Variants in MAST4 observed in about 807,000 individuals in gnomAD.
MAST4 encodes the protein microtubule-associated serine/threonine-protein kinase 4.
In MAST4, 89 loss-of-function variants were observed where a neutral mutation model predicts 162.7. That is an observed-to-expected ratio of 0.55 (90% CI 0.46 to 0.65). MAST4 has a LOEUF of 0.65. MAST4 is among the 30% of genes least tolerant of loss of function. The pLI is 0.00. For synonymous variants in MAST4, 1,479 were observed against 1,361.1 expected (o/e 1.09, Z -1.91); for missense variants, 3,153 against 3,374.0 (o/e 0.93, Z 1.62).
At chr5:66,877,353 C>G (rs1761371724) in intron 3 of MAST4, among the ~76,000 whole-genome samples, 1 of 152,210 alleles carries the variant, frequency 6.6e-6, no homozygotes, top group African/African-American at 2.4e-5. Flanking sequence ...CACATGTGAA[C>G]CACTTTCATC....
At chr5:66,706,593 A>T (rs1359163820) in intron 1 of MAST4, among the ~76,000 whole-genome samples, 1 of 130,710 alleles carries the variant, frequency 7.7e-6, no homozygotes, top group African/African-American at 3.1e-5. Flanking sequence ...CTGAGTAATG[A>T]TGAAAGAAAT....
At chr5:66,775,298 C>T (rs949173611) in intron 2 of MAST4, among the ~76,000 whole-genome samples, 3 of 151,954 alleles carry the variant, frequency 2.0e-5, no homozygotes, top group Admixed American at 2.0e-4. Flanking sequence ...AGACTACCTT[C>T]CCCCAACTCA....
At chr5:66,779,086 CTA>C (rs1459226786) in intron 2 of MAST4, among the ~76,000 whole-genome samples, 2 of 152,276 alleles carry the variant, frequency 1.3e-5, no homozygotes, top group African/African-American at 4.8e-5. Flanking sequence ...TGTTGGCATT[CTA>C]TGTTAAGTAT....
intron 3 of MAST4, among the ~76,000 whole-genome samples, chr5:66,856,825 G>A (rs990868516): frequency 6.6e-6 from 1 of 152,166 alleles, no homozygotes; most frequent in Non-Finnish European, 1.5e-5. Flanking sequence ...GAATTATGGT[G>A]ATATGGCTAT....
At chr5:66,812,496 A>G (rs1479384952) in intron 3 of MAST4, among the ~76,000 whole-genome samples, 1 of 152,232 alleles carries the variant, frequency 6.6e-6, no homozygotes, top group Non-Finnish European at 1.5e-5. Context: ...ACACGGGTAC[A>G]GCTTCATTGC....
In MAST4 at chr5:67,166,888, CTCCCCCAGCT is replaced by C. The variant is rs1161793497; in HGVS notation, c.7710_7719del (p.Pro2571GlyfsTer9). The C allele has an allele frequency of 6.2e-7, 1 of 1,610,436 alleles. No homozygotes were observed. Among genetic ancestry groups the C allele is most frequent in the Non-Finnish European group, 8.5e-7 (1 of 1,178,672 alleles). On this transcript the variant is annotated frameshift_variant, in exon 29 of 29. Coordinates refer to ENST00000403625, the MANE Select transcript of MAST4 (RefSeq NM_001164664.2). LOFTEE classifies it high-confidence loss of function. ...GGGAAGGACCCTGCCCCAGCCCAGC[CTCCCCCAGCT>C]AGGAAACAGAACGTGGGCAGAGACG... is the stretch of plus-strand genomic sequence containing the variant.
intron 1 of MAST4, among the ~76,000 whole-genome samples, chr5:66,674,545 A>T (rs1365450594): frequency 6.6e-6 from 1 of 152,222 alleles, no homozygotes. Context: ...AACATAAGAC[A>T]AGTGAAAAGA....
At chr5:66,781,385 C>T (rs1754863577) in intron 2 of MAST4, among the ~76,000 whole-genome samples, 1 of 152,206 alleles carries the variant, frequency 6.6e-6, no homozygotes, top group Non-Finnish European at 1.5e-5. Context: ...ACCTATATAC[C>T]TGTAAAGATA....
At chr5:66,793,871 A>G (rs1755532760) in intron 3 of MAST4, among the ~76,000 whole-genome samples, 1 of 152,182 alleles carries the variant, frequency 6.6e-6, no homozygotes, top group South Asian at 2.1e-4. Flanking sequence ...ACTGTCCAGT[A>G]TACCATATCG....
At chr5:67,070,114 C>A (rs1466338088) in intron 5 of MAST4, among the ~76,000 whole-genome samples, 1 of 152,110 alleles carries the variant, frequency 6.6e-6, no homozygotes, top group African/African-American at 2.4e-5. Flanking sequence ...TGAATTGATT[C>A]ACATTTGGTG....
rs141725429 is a variant in MAST4 at position 67,065,293 on chromosome 5, A to G, written c.763+10801A>G. On this transcript the variant is annotated intron_variant, in intron 5 of 28. Coordinates refer to ENST00000403625, the MANE Select transcript of MAST4 (RefSeq NM_001164664.2). ...AGAACATGGTAGTCTGTGACAGGAC[A>G]GTTTCGGTGACCGTCACAGTGATTT... Among the ~76,000 whole-genome samples, 601 of 152,142 alleles carry G rather than the reference A, an allele frequency of 4.0e-3. 5 individuals are homozygous for G. Among genetic ancestry groups the G allele is most frequent in the African/African-American group, 0.012 (509 of 41,518 alleles).
At chr5:67,063,289 C>A (rs1327468971) in intron 5 of MAST4, among the ~76,000 whole-genome samples, 1 of 152,034 alleles carries the variant, frequency 6.6e-6, no homozygotes, top group East Asian at 1.9e-4. Context: ...ATGTGTTTTC[C>A]TAGTCTGGGG....
At chr5:66,757,256 A>G (rs953839635) in intron 1 of MAST4, among the ~76,000 whole-genome samples, 10 of 152,220 alleles carry the variant, frequency 6.6e-5, no homozygotes, top group Admixed American at 4.6e-4. Context: ...AAATATTTGT[A>G]TTTTATGCAG....
At chr5:66,726,696 G>A (rs893832433) in intron 1 of MAST4, among the ~76,000 whole-genome samples, 7 of 152,112 alleles carry the variant, frequency 4.6e-5, no homozygotes, top group African/African-American at 1.7e-4. Context: ...TACAGCAGGA[G>A]GTAAGCGACG....
intron 5 of MAST4, among the ~76,000 whole-genome samples, chr5:67,084,981 C>T (rs982627685): frequency 6.6e-6 from 1 of 152,090 alleles, no homozygotes; most frequent in African/African-American, 2.4e-5. Context: ...AATGTAACAT[C>T]GTTACATATA....
intron 2 of MAST4, among the ~76,000 whole-genome samples, chr5:66,760,287 T>C (rs941521641): frequency 2.6e-5 from 4 of 151,818 alleles, no homozygotes; most frequent in Non-Finnish European, 4.4e-5. Context: ...AGCTAATTTT[T>C]GTATTTTTAT....
chr5:67,143,065 G>A (rs1166561169), intron 21 of MAST4: 1 of 152,394 alleles, frequency 6.6e-6, no homozygotes, highest in Non-Finnish European at 1.5e-5. Flanking sequence ...TACAACAAAA[G>A]GAGAAGGCTC....
intron 1 of MAST4, among the ~76,000 whole-genome samples, chr5:66,712,875 C>G (rs1477040331): frequency 1.3e-5 from 2 of 152,122 alleles, no homozygotes. Context: ...TTAGTGAAAC[C>G]TATACGTTAG....
chr5:66,664,435 CAAAAAAAAA>C (rs58704256), intron 1 of MAST4, among the ~76,000 whole-genome samples: 47 of 93,924 alleles, frequency 5.0e-4, no homozygotes, highest in African/African-American at 2.0e-3. Flanking sequence ...AACTCCATTT[CAAAAAAAAA>C]AAAAAAAAGA....
Sources: gnomAD v4.1 joint callset for allele counts (sites outside exome capture counted in the v4.1 genomes callset) on GRCh38, gnomAD v4.1.1 for gene constraint, MANE v1.5 for transcripts, NCBI Gene and HGNC (gene_info 2026-07-23, HGNC 2026-07-21) for gene names.